Variants in UBE2U observed in about 807,000 individuals in gnomAD.
UBE2U encodes ubiquitin conjugating enzyme E2 U, also known as ubiquitin-conjugating enzyme E2 U.
Under a neutral mutation model 41.2 loss-of-function variants are expected in UBE2U, and 39 were observed. The ratio of observed to expected loss-of-function variants is 0.95; its 90% CI spans 0.73 to 1.24. The LOEUF is 1.24. Ranked by LOEUF, UBE2U falls within the 50% of genes most tolerant of loss-of-function variation. The pLI is 0.00. For missense variants in UBE2U, 336 were observed against 363.1 expected (o/e 0.93, Z 0.61); for synonymous variants, 107 against 117.8 (o/e 0.91, Z 0.60).
intron 9 of UBE2U, 107 bp downstream of exon 9, chr1:64,260,801 C>T (rs1045568548): frequency 6.2e-6 from 5 of 801,414 alleles, no homozygotes; most frequent in Non-Finnish European, 9.5e-6. Context: ...TATATGAGGG[C>T]TAATCCTTGT....
intron 9 of UBE2U, among the ~76,000 whole-genome samples, chr1:64,265,043 T>C (rs139360461): frequency 6.6e-5 from 10 of 152,232 alleles, no homozygotes; most frequent in African/African-American, 2.4e-4. Flanking sequence ...AGGGGATGGT[T>C]TTGCCGTCCA....
chr1:64,243,055 A>C (rs1644861914), intron 8 of UBE2U, among the ~76,000 whole-genome samples: 1 of 152,186 alleles, frequency 6.6e-6, no homozygotes, highest in African/African-American at 2.4e-5. Context: ...CATATGGCTA[A>C]AATAATTGTG....
rs185128687 is a variant in UBE2U, at chr1:64,225,424, G to A, written c.506+4517G>A. Among the ~76,000 whole-genome samples, 269 of 152,314 alleles carry A rather than the reference G, an allele frequency of 1.8e-3. 3 individuals carry two copies. Among genetic ancestry groups the A allele is most frequent in the East Asian group, 2.5e-3 (13 of 5,192 alleles). The stretch of plus-strand genomic sequence containing the variant: ...CAAATCACTTAGGACTTTATAAACC[G>A]TGTAAGGAATTTAGATTAATTTTAT... On this transcript the variant is annotated intron_variant, in intron 6 of 9. Transcript: ENST00000371077.
intron 8 of UBE2U, chr1:64,244,090 T>C: frequency 6.9e-7 from 1 of 1,451,004 alleles, no homozygotes; most frequent in Non-Finnish European, 9.7e-7. Context: ...CTATTATTCA[T>C]GCTTTTAAAA....
intron 8 of UBE2U, among the ~76,000 whole-genome samples, chr1:64,243,466 A>G (rs1022012200): frequency 2.6e-5 from 4 of 152,218 alleles, no homozygotes; most frequent in African/African-American, 9.6e-5. Flanking sequence ...AGAATCAAGT[A>G]GAAAATGTTT....
chr1:64,252,041 G>C (rs1645019211), intron 8 of UBE2U, among the ~76,000 whole-genome samples: 1 of 152,208 alleles, frequency 6.6e-6, no homozygotes, highest in African/African-American at 2.4e-5. Context: ...CTGCAGTTCT[G>C]TTGACTCAGC....
intron 5 of UBE2U, among the ~76,000 whole-genome samples, chr1:64,215,741 T>A (rs1309459877): frequency 1.3e-5 from 2 of 152,164 alleles, no homozygotes; most frequent in Admixed American, 6.5e-5. Flanking sequence ...CACTGAGCAG[T>A]GTTTTCCTGA....
chr1:64,233,844 G>A (rs1331619099), intron 7 of UBE2U, among the ~76,000 whole-genome samples: 1 of 152,184 alleles, frequency 6.6e-6, no homozygotes, highest in Non-Finnish European at 1.5e-5. Context: ...CTAAAATGGT[G>A]CATTCTGCAG....
At chr1:64,204,577 T>C (rs1651170469) in intron 1 of UBE2U, among the ~76,000 whole-genome samples, 1 of 152,216 alleles carries the variant, frequency 6.6e-6, no homozygotes, top group African/African-American at 2.4e-5. Context: ...GCTTACTGTC[T>C]AGTGTACTTT....
intron 5 of UBE2U, among the ~76,000 whole-genome samples, chr1:64,217,992 A>T (rs1652142078): frequency 6.6e-6 from 1 of 152,144 alleles, no homozygotes; most frequent in Non-Finnish European, 1.5e-5. Flanking sequence ...TTTAAAGCAA[A>T]TTGTCTCTAC....
chr1:64,239,898 CT>C (rs1644806022), intron 7 of UBE2U, among the ~76,000 whole-genome samples: 1 of 152,122 alleles, frequency 6.6e-6, no homozygotes, highest in Admixed American at 6.5e-5. Flanking sequence ...AATGGGATGG[CT>C]GGGTCAAGTG....
At chr1:64,223,423 C>T (rs773865070) in intron 6 of UBE2U, among the ~76,000 whole-genome samples, 1 of 152,084 alleles carries the variant, frequency 6.6e-6, no homozygotes, top group African/African-American at 2.4e-5. Context: ...GTATCAAGAT[C>T]GTGGCTAAGG....
In UBE2U at chr1:64,231,204, A is replaced by AGGTCATG. The variant is rs370350438; in HGVS notation, c.507-1352_507-1346dup. On this transcript the variant is annotated intron_variant, in intron 6 of 9. Coordinates refer to ENST00000371077, the MANE Select transcript of UBE2U (RefSeq NM_001366232.2). ...GAACAGGACACCCTGGGAAGGGAAA[A>AGGTCATG]GGTCATGGGTCGTGGTCAAACAGAC... is the stretch of plus-strand genomic sequence containing the variant. Among the ~76,000 whole-genome samples, 441 of 151,608 alleles carry AGGTCATG rather than the reference A, an allele frequency of 2.9e-3. 1 individual carries two copies. Among genetic ancestry groups the AGGTCATG allele is most frequent in the Admixed American group, 4.7e-3 (71 of 15,174 alleles).
intron 9 of UBE2U, among the ~76,000 whole-genome samples, chr1:64,263,991 CTCT>C (rs1356372697): frequency 6.6e-6 from 1 of 152,190 alleles, no homozygotes; most frequent in Non-Finnish European, 1.5e-5. Context: ...TGGGTCACGA[CTCT>C]TTTTTCAATT....
Position 64,265,406 on chromosome 1 carries a change from G to A in UBE2U, c.770-1618G>A, listed in dbSNP as rs140092568. 1.9e-3 allele frequency among the ~76,000 whole-genome samples: 288 copies of A among 152,288 alleles called. 1 individual carries two copies. The highest frequency in any genetic ancestry group is 3.6e-3 in the Non-Finnish European group (244 of 68,024). On this transcript the variant is annotated intron_variant, in intron 9 of 9. Coordinates refer to ENST00000371077, the MANE Select transcript of UBE2U (RefSeq NM_001366232.2). ...ACTGGAGTTAGTCCATCAATAATAT[G>A]TTCATGGAAAATAAATAGATGCTTT... is the stretch of plus-strand genomic sequence containing the variant.
intron 9 of UBE2U, among the ~76,000 whole-genome samples, chr1:64,263,105 A>G (rs1279921532): frequency 1.3e-5 from 2 of 152,230 alleles, no homozygotes. Context: ...TTTAATGTCC[A>G]GAAACTGGTT....
intron 8 of UBE2U, among the ~76,000 whole-genome samples, chr1:64,245,925 GT>G (rs1482636609): frequency 6.6e-6 from 1 of 152,076 alleles, no homozygotes; most frequent in African/African-American, 2.4e-5. Flanking sequence ...TTTTCCTGAG[GT>G]TACTGATAAA....
chr1:64,243,413 TTCA>T (rs1644868327), intron 8 of UBE2U, among the ~76,000 whole-genome samples: 1 of 152,140 alleles, frequency 6.6e-6, no homozygotes, highest in Non-Finnish European at 1.5e-5. Flanking sequence ...AAGTCTTGTG[TTCA>T]TCAAAATACA....
intron 4 of UBE2U, among the ~76,000 whole-genome samples, chr1:64,213,492 C>A (rs1651783488): frequency 6.6e-6 from 1 of 152,148 alleles, no homozygotes; most frequent in African/African-American, 2.4e-5. Flanking sequence ...ACACACCCAA[C>A]AGTACCCTGA....
Sources: gnomAD v4.1 joint callset for allele counts (sites outside exome capture counted in the v4.1 genomes callset) on GRCh38, gnomAD v4.1.1 for gene constraint, MANE v1.5 for transcripts, NCBI Gene and HGNC (gene_info 2026-07-23, HGNC 2026-07-21) for gene names.